Variants in FARP1 observed in about 807,000 individuals in gnomAD.
The protein encoded by FARP1 is FERM, ARH/RhoGEF and pleckstrin domain protein 1, also known as FERM, ARHGEF and pleckstrin domain-containing protein 1.
In FARP1, 52 loss-of-function variants were observed where a neutral mutation model predicts 128.8. The observed-to-expected ratio is 0.40, with a 90% confidence interval of 0.32 to 0.51. The LOEUF (loss-of-function observed/expected upper bound fraction) is 0.51, where lower values mean the gene tolerates loss of function less well. Among genes scored for constraint, FARP1 ranks in the 20% least tolerant of loss-of-function variants. The probability of loss-of-function intolerance (pLI) is 0.45; values close to 1 mark genes in which losing one functional copy is unlikely to be tolerated. For synonymous variants in FARP1, 580 were observed against 551.8 expected (o/e 1.05, Z -0.72); for missense variants, 1,333 against 1,367.9 (o/e 0.97, Z 0.40).
Position 98,448,293 on chromosome 13 carries a change from T to A in FARP1, c.3114T>A (p.Ser1038Arg). ...CTGCCTCGCGACCCCACGTGTTGAGTCACAAAGAGTCTCTTGTGTATTGAT... is the reference window on the plus strand; with the variant it reads ...CTGCCTCGCGACCCCACGTGTTGAGACACAAAGAGTCTCTTGTGTATTGAT... Reference protein sequence around the residue: ...TSSASRPHVLSHKESLVY With the variant: ...TSSASRPHVLRHKESLVY Residue 1038 changes from serine (S) to arginine (R), a missense_variant, in exon 27 of 27, where the codon AGT becomes AGA. Around this residue, in one of 2 missense-constraint regions of FARP1, gnomAD observed 1,009 missense variants for 969.8 expected, o/e 1.04. Transcript: ENST00000319562. The A allele has an allele frequency of 6.2e-7, 1 of 1,613,674 alleles. No homozygotes were observed. Among genetic ancestry groups the A allele is most frequent in the Non-Finnish European group, 8.5e-7 (1 of 1,179,710 alleles).
In FARP1 at chr13:98,161,542, G is replaced by T. The variant is rs116263116; in HGVS notation, c.-24+18050G>T. Among the ~76,000 whole-genome samples, 807 of 152,102 alleles carry T rather than the reference G, an allele frequency of 5.3e-3. 8 individuals are homozygous for T. The highest frequency in any genetic ancestry group is 0.019 in the African/African-American group (771 of 41,494). Reference sequence around the variant, plus strand: ...GCTTCAGTAGTCTTTAAGTCAACATGATTGAGGTCAAAGGTCTCTTGAGGT... The same window carrying T: ...GCTTCAGTAGTCTTTAAGTCAACATTATTGAGGTCAAAGGTCTCTTGAGGT... On this transcript the variant is annotated intron_variant, in intron 1 of 26. Transcript: ENST00000319562.
intron 2 of FARP1, among the ~76,000 whole-genome samples, chr13:98,301,501 G>T (rs1230629748): frequency 6.6e-6 from 1 of 152,142 alleles, no homozygotes; most frequent in East Asian, 1.9e-4. Flanking sequence ...CTCTCTGTTA[G>T]AATTTTCCTG....
chr13:98,243,696 C>CAA (rs61020922), intron 2 of FARP1, among the ~76,000 whole-genome samples: 1,889 of 64,592 alleles, frequency 0.029, 69 homozygotes, highest in African/African-American at 0.085. Flanking sequence ...GACTCCATCT[C>CAA]AAAAAAAAAA....
chr13:98,277,149 C>CACACACACACACACA (rs1566824323), intron 2 of FARP1, among the ~76,000 whole-genome samples: 83 of 113,244 alleles, frequency 7.3e-4, no homozygotes, highest in Middle Eastern at 4.0e-3. Flanking sequence ...CACACACACA[C>CACACACACACACACA]CCCATATGTA....
chr13:98,274,819 T>C (rs1884559198), intron 2 of FARP1, among the ~76,000 whole-genome samples: 1 of 152,182 alleles, frequency 6.6e-6, no homozygotes, highest in African/African-American at 2.4e-5. Context: ...ACCAGTATCC[T>C]TCAAGTAAGT....
At chr13:98,253,578 T>G (rs981729457) in intron 2 of FARP1, among the ~76,000 whole-genome samples, 1 of 152,198 alleles carries the variant, frequency 6.6e-6, no homozygotes, top group African/African-American at 2.4e-5. Flanking sequence ...AAGGTGGTTG[T>G]GAGGATTAAG....
At chr13:98,356,755 C>T (rs1253349447) in intron 3 of FARP1, among the ~76,000 whole-genome samples, 1 of 151,996 alleles carries the variant, frequency 6.6e-6, no homozygotes, top group African/African-American at 2.4e-5. Flanking sequence ...TCTCCTGCCT[C>T]AGCCTCCTAA....
At chr13:98,236,746 T>C (rs1594305557) in intron 2 of FARP1, among the ~76,000 whole-genome samples, 1 of 152,264 alleles carries the variant, frequency 6.6e-6, no homozygotes, top group East Asian at 1.9e-4. Context: ...TGTTAGTACT[T>C]TGGGAAGCCA....
intron 11 of FARP1, among the ~76,000 whole-genome samples, chr13:98,391,219 G>A (rs79141811): frequency 0.014 from 2,125 of 152,322 alleles, 35 homozygotes; most frequent in African/African-American, 0.048. Flanking sequence ...TTTGGGATTT[G>A]TATTGAAAGC....
chr13:98,434,007 G>A (rs1198163277), intron 18 of FARP1: 2 of 152,382 alleles, frequency 1.3e-5, no homozygotes, highest in African/African-American at 2.4e-5. Context: ...GGTTTTGAAG[G>A]CGCTGTTCTT....
intron 9 of FARP1, among the ~76,000 whole-genome samples, chr13:98,389,005 C>A (rs147707447): frequency 1.7e-4 from 26 of 152,376 alleles, no homozygotes; most frequent in African/African-American, 5.5e-4. Context: ...GAAGCCTCTT[C>A]TTTGTCTGCC....
chr13:98,277,148 A>ACACACACACC (rs372627844), intron 2 of FARP1, among the ~76,000 whole-genome samples: 5,690 of 138,394 alleles, frequency 0.041, 192 homozygotes, highest in Non-Finnish European at 0.058. Flanking sequence ...ACACACACAC[A>ACACACACACC]CCCCATATGT....
chr13:98,214,490 C>G (rs1239576184), intron 2 of FARP1, among the ~76,000 whole-genome samples: 1 of 152,192 alleles, frequency 6.6e-6, no homozygotes, highest in Non-Finnish European at 1.5e-5. Flanking sequence ...TAGAGATGAT[C>G]TGTGTGTCAT....
intron 3 of FARP1, among the ~76,000 whole-genome samples, chr13:98,344,206 T>A (rs1483438174): frequency 6.6e-6 from 1 of 152,154 alleles, no homozygotes; most frequent in Non-Finnish European, 1.5e-5. Flanking sequence ...CAGATTGGAA[T>A]AGGACCAGAC....
chr13:98,422,244 C>G (rs368724455), intron 16 of FARP1, among the ~76,000 whole-genome samples: 25 of 152,246 alleles, frequency 1.6e-4, no homozygotes, highest in African/African-American at 5.5e-4. Context: ...GCAGTGGGGC[C>G]GACCAGCCCG....
chr13:98,184,855 A>G (rs1425729719), intron 1 of FARP1, among the ~76,000 whole-genome samples: 2 of 152,252 alleles, frequency 1.3e-5, no homozygotes, highest in Non-Finnish European at 2.9e-5. Flanking sequence ...TTTAAAATAC[A>G]TAATTTTATT....
chr13:98,433,160 C>T (rs1425258750), intron 18 of FARP1: 1 of 152,232 alleles, frequency 6.6e-6, no homozygotes, highest in Non-Finnish European at 1.5e-5. Flanking sequence ...GCAGCGGCTA[C>T]ATCCCACTGC....
intron 1 of FARP1, among the ~76,000 whole-genome samples, chr13:98,197,569 A>G (rs1323296764): frequency 6.6e-6 from 1 of 152,152 alleles, no homozygotes; most frequent in Non-Finnish European, 1.5e-5. Flanking sequence ...CTTAAGTATC[A>G]TTTTCAGAAT....
intron 13 of FARP1, 100 bp downstream of exon 13, chr13:98,395,576 C>T (rs1890498468): frequency 7.2e-7 from 1 of 1,390,314 alleles, no homozygotes; most frequent in Non-Finnish European, 9.7e-7. Context: ...GAACAAGCGT[C>T]CCGATCCCGG....
Sources: gnomAD v4.1 joint callset for allele counts (sites outside exome capture counted in the v4.1 genomes callset) on GRCh38, gnomAD v4.1.1 for gene constraint, gnomAD v4.1.1 regional missense constraint, MANE v1.5 for transcripts, NCBI Gene and HGNC (gene_info 2026-07-23, HGNC 2026-07-21) for gene names.